MYPN: variants seen among roughly 807,000 people sequenced by gnomAD.
MYPN encodes myopalladin, also known as sarcomeric protein myopalladin, 145 kDa (MYOP).
A neutral mutation model predicts 129.4 loss-of-function variants in MYPN; 63 were observed. That is an observed-to-expected ratio of 0.49 (90% CI 0.40 to 0.60). MYPN has a LOEUF of 0.60. MYPN is among the 20% of genes least tolerant of loss of function. The pLI, the probability that MYPN is intolerant of heterozygous loss-of-function variation, is 0.00. For synonymous variants in MYPN, 629 were observed against 600.9 expected (o/e 1.05, Z -0.68); for missense variants, 1,596 against 1,635.4 (o/e 0.98, Z 0.42).
chr10:68,174,157 C>T lies in MYPN; in HGVS notation c.2065C>T (p.Pro689Ser), dbSNP rs1564680440. 2.5e-6 allele frequency: 4 copies of T among 1,614,038 alleles called. No homozygotes were observed. Among genetic ancestry groups the T allele is most frequent in the Middle Eastern group, 1.6e-4 (1 of 6,062 alleles). The stretch of plus-strand genomic sequence containing the variant: ...ACCTCCTTCATCTCCTAAGGAGTTT[C>T]CTTTCAGCATGACTGTTTTGAACTC... ...NPPPSSPKEF[P>S]FSMTVLNSNA... Residue 689 changes from proline (P) to serine (S), a missense_variant, in exon 11 of 20, where the codon CCT becomes TCT. By Grantham distance (74) the Pro-to-Ser change is moderately conservative. Transcript: ENST00000358913.
upstream of MYPN, among the ~76,000 whole-genome samples, chr10:68,102,765 A>C (rs983868955): frequency 6.6e-6 from 1 of 152,202 alleles, no homozygotes; most frequent in Non-Finnish European, 1.5e-5. Flanking sequence ...ATTAAAAAAA[A>C]GAAAATTTGC....
intron 1 of MYPN, among the ~76,000 whole-genome samples, chr10:68,093,594 AG>A (rs1215215007): frequency 5.5e-5 from 8 of 144,386 alleles, no homozygotes; most frequent in African/African-American, 1.5e-4. Flanking sequence ...AAAAAAAAAA[AG>A]AAATACAAAA....
chr10:68,119,757 T>C (rs2042215346), intron 1 of MYPN, among the ~76,000 whole-genome samples: 1 of 152,220 alleles, frequency 6.6e-6, no homozygotes, highest in African/African-American at 2.4e-5. Context: ...ATCATAGACT[T>C]CATCCAAATA....
At chr10:68,166,031 A>C (rs1281202544) in intron 9 of MYPN, among the ~76,000 whole-genome samples, 3 of 152,232 alleles carry the variant, frequency 2.0e-5, no homozygotes, top group African/African-American at 7.2e-5. Context: ...TGCTGTCATC[A>C]CTATATTTCC....
intron 13 of MYPN, among the ~76,000 whole-genome samples, chr10:68,194,040 G>A (rs1430293853): frequency 6.6e-6 from 1 of 152,070 alleles, no homozygotes; most frequent in East Asian, 1.9e-4. Context: ...TGCTTCTGAA[G>A]GCATGTCCAG....
chr10:68,141,367 CAAAA>C (rs34852415), intron 2 of MYPN, among the ~76,000 whole-genome samples: 1 of 92,342 alleles, frequency 1.1e-5, no homozygotes, highest in Non-Finnish European at 2.3e-5. Context: ...GACTCGGTCT[CAAAA>C]AAAAAAAAAA....
intron 1 of MYPN, among the ~76,000 whole-genome samples, chr10:68,099,460 C>G (rs1247509318): frequency 2.6e-5 from 4 of 151,978 alleles, no homozygotes; most frequent in African/African-American, 9.7e-5. Flanking sequence ...CATGGTGACA[C>G]CCAGTCTCTA....
rs747147639 is a variant in MYPN at position 68,210,487 on chromosome 10, G to A, written c.*32G>A. ...CTAGGTACCTGCTGTGTAAGAGAGC[G>A]GACTGTGGAGGGGGAATGAGAACAA... On this transcript the variant is annotated 3_prime_UTR_variant, in exon 20 of 20. Transcript: ENST00000358913. 1.4e-5 allele frequency: 23 copies of A among 1,612,040 alleles called. No homozygotes were observed. The highest frequency in any genetic ancestry group is 3.3e-4 in the Middle Eastern group (2 of 5,992).
At chr10:68,117,845 T>A (rs959190218) in intron 1 of MYPN, among the ~76,000 whole-genome samples, 1 of 151,620 alleles carries the variant, frequency 6.6e-6, no homozygotes, top group Non-Finnish European at 1.5e-5. Context: ...GTTTACTAAA[T>A]CCCAAGCACA....
intron 18 of MYPN, among the ~76,000 whole-genome samples, chr10:68,206,095 AG>A (rs2043810843): frequency 6.6e-6 from 1 of 152,210 alleles, no homozygotes; most frequent in Non-Finnish European, 1.5e-5. Context: ...TAAGAGGGCC[AG>A]GCCAACAAGG....
chr10:68,210,665 G>A lies in MYPN; in HGVS notation c.*210G>A, dbSNP rs1318044916. The A allele has an allele frequency of 1.5e-6, 1 of 673,834 alleles. No homozygotes were observed. Among genetic ancestry groups the A allele is most frequent in the South Asian group, 1.5e-5 (1 of 66,718 alleles). The allele number at this position is 673,834 out of a possible 1,614,324, so 41.7% of individuals were successfully genotyped here. A position where few individuals can be genotyped will look rare whatever the true frequency, so the allele number is the denominator to read the frequency against. ...GCTGTGCCTTCTAAAGATTCCAACA[G>A]AGATGTGAGAAGATAATACAGATGA... On this transcript the variant is annotated 3_prime_UTR_variant, in exon 20 of 20. Transcript: ENST00000358913.
At chr10:68,145,720 C>T (rs998959852) in intron 4 of MYPN, among the ~76,000 whole-genome samples, 194 bp downstream of exon 4, 1 of 152,190 alleles carries the variant, frequency 6.6e-6, no homozygotes, top group Non-Finnish European at 1.5e-5. Context: ...TTAAGTCTTG[C>T]CTAGCAGATA....
At chr10:68,177,571 G>A (rs913994216) in intron 12 of MYPN, among the ~76,000 whole-genome samples, 2 of 152,064 alleles carry the variant, frequency 1.3e-5, no homozygotes, top group African/African-American at 2.4e-5. Flanking sequence ...TGCTGTCTTC[G>A]GAAATGATAG....
chr10:68,155,670 A>G (rs2134123276), intron 6 of MYPN, among the ~76,000 whole-genome samples: 1 of 152,340 alleles, frequency 6.6e-6, no homozygotes. Context: ...TAATAGGGTA[A>G]CTGGTTTGGA....
chr10:68,170,406 T>C (rs1161182499), intron 10 of MYPN, among the ~76,000 whole-genome samples: 1 of 152,196 alleles, frequency 6.6e-6, no homozygotes, highest in Non-Finnish European at 1.5e-5. Flanking sequence ...TTAGTATAGA[T>C]ATGAATATAT....
At chr10:68,137,921 A>T (rs1332434608) in intron 2 of MYPN, among the ~76,000 whole-genome samples, 1 of 152,180 alleles carries the variant, frequency 6.6e-6, no homozygotes. Context: ...TGTAAACATC[A>T]CACAAGTGTT....
intron 4 of MYPN, among the ~76,000 whole-genome samples, chr10:68,147,412 C>T (rs2042685803): frequency 6.6e-6 from 1 of 152,216 alleles, no homozygotes; most frequent in South Asian, 2.1e-4. Flanking sequence ...CCACTTCAAC[C>T]TCCCAGAGTG....
intron 6 of MYPN, among the ~76,000 whole-genome samples, chr10:68,155,448 G>A (rs1215966132): frequency 6.6e-6 from 1 of 152,144 alleles, no homozygotes; most frequent in Non-Finnish European, 1.5e-5. Flanking sequence ...CATACCTGAG[G>A]AGGTTGTAGA....
intron 6 of MYPN, 147 bp from the exon 7 acceptor site, chr10:68,158,339 C>A: frequency 1.3e-6 from 1 of 759,184 alleles, no homozygotes; most frequent in Non-Finnish European, 2.2e-6. Flanking sequence ...GAATGCACAT[C>A]CACAGAACTG....
Sources: allele counts gnomAD v4.1 joint callset (sites outside exome capture counted in the v4.1 genomes callset), GRCh38; gene constraint gnomAD v4.1.1; transcripts MANE v1.5; gene names NCBI Gene and HGNC (gene_info 2026-07-23, HGNC 2026-07-21).